Variants in ARK2N observed in about 807,000 individuals in gnomAD.
ARK2N encodes the protein arkadia (RNF111) N-terminal like PKA signaling regulator 2N, also known as protein ARK2N.
the ARK2N span, chr18:46,253,678 TCCTCCCC>T: frequency 8.1e-6 from 13 of 1,603,194 alleles, no homozygotes; most frequent in Admixed American, 1.4e-4. Context: ...TTGTTTTTTT[TCCTCCCC>T]TTCTCTCTCA....
At chr18:46,213,309 A>C in the ARK2N span, among the ~76,000 whole-genome samples, 1 of 152,126 alleles carries the variant, frequency 6.6e-6, no homozygotes, top group Middle Eastern at 3.4e-3. Context: ...CTTAAGAAGA[A>C]TCATTATTCC....
At chr18:46,182,628 C>T in the ARK2N span, among the ~76,000 whole-genome samples, 1 of 145,436 alleles carries the variant, frequency 6.9e-6, no homozygotes, top group Non-Finnish European at 1.5e-5. Flanking sequence ...TTAAATTATT[C>T]TTGATTTACA....
chr18:46,255,405 TTTTTC>T, the ARK2N span, among the ~76,000 whole-genome samples: 35 of 148,936 alleles, frequency 2.3e-4, no homozygotes, highest in Admixed American at 9.3e-4. Flanking sequence ...TTTCTTTTTC[TTTTTC>T]TTTTCTTTTC....
At chr18:46,227,001 G>T in the ARK2N span, among the ~76,000 whole-genome samples, 1 of 151,848 alleles carries the variant, frequency 6.6e-6, no homozygotes, top group South Asian at 2.1e-4. Context: ...AGAGATGGGG[G>T]TTTCACCATG....
the ARK2N span, among the ~76,000 whole-genome samples, chr18:46,244,245 C>T: frequency 6.6e-6 from 1 of 151,892 alleles, no homozygotes; most frequent in Non-Finnish European, 1.5e-5. Context: ...GTAGTTGGGG[C>T]AAGAAGAAGC....
chr18:46,201,622 C>A, the ARK2N span, among the ~76,000 whole-genome samples: 1 of 151,974 alleles, frequency 6.6e-6, no homozygotes, highest in East Asian at 1.9e-4. Context: ...TTTCTGAGTT[C>A]TGATCTCCCA....
At chr18:46,194,009 T>G in the ARK2N span, among the ~76,000 whole-genome samples, 1 of 152,140 alleles carries the variant, frequency 6.6e-6, no homozygotes, top group Non-Finnish European at 1.5e-5. Flanking sequence ...TCTTGTTTGT[T>G]TCTTTCTTTT....
chr18:46,208,479 T>G, the ARK2N span, among the ~76,000 whole-genome samples: 1 of 144,120 alleles, frequency 6.9e-6, no homozygotes, highest in African/African-American at 2.6e-5. Context: ...TTTTTTTTTT[T>G]TTTTTTTTTG....
the ARK2N span, among the ~76,000 whole-genome samples, chr18:46,179,625 C>CTTT: frequency 7.3e-6 from 1 of 136,846 alleles, no homozygotes; most frequent in African/African-American, 2.7e-5. Context: ...TTAAAGTTAT[C>CTTT]TTTTTTTTTT....
chr18:46,218,241 A>G, the ARK2N span: 3 of 152,202 alleles, frequency 2.0e-5, no homozygotes, highest in African/African-American at 7.2e-5. Context: ...CTTCTTTCTA[A>G]TTGAGTATCT....
At chr18:46,260,210 C>T in the ARK2N span, among the ~76,000 whole-genome samples, 2 of 152,038 alleles carry the variant, frequency 1.3e-5, no homozygotes, top group African/African-American at 2.4e-5. Flanking sequence ...CTGAAACTTG[C>T]CTTCTAGAAA....
At chr18:46,207,630 C>T in the ARK2N span, among the ~76,000 whole-genome samples, 2 of 152,126 alleles carry the variant, frequency 1.3e-5, no homozygotes, top group Non-Finnish European at 2.9e-5. Context: ...CTTCATGATC[C>T]ACCTGCCTTG....
chr18:46,205,260 G>A, the ARK2N span, among the ~76,000 whole-genome samples: 1 of 152,102 alleles, frequency 6.6e-6, no homozygotes, highest in Non-Finnish European at 1.5e-5. Context: ...GTTAAAGGAT[G>A]GTTAATGATG....
At chr18:46,231,012 G>C in the ARK2N span, among the ~76,000 whole-genome samples, 1 of 152,162 alleles carries the variant, frequency 6.6e-6, no homozygotes, top group African/African-American at 2.4e-5. Context: ...CAGCGGATTA[G>C]AGTGATCTGG....
At chr18:46,260,394 T>TAG in the ARK2N span, among the ~76,000 whole-genome samples, 1 of 152,188 alleles carries the variant, frequency 6.6e-6, no homozygotes, top group East Asian at 1.9e-4. Flanking sequence ...ATTCTCCAGA[T>TAG]AATCTAAAAT....
At chr18:46,208,595 G>A in the ARK2N span, among the ~76,000 whole-genome samples, 3 of 148,212 alleles carry the variant, frequency 2.0e-5, no homozygotes, top group Non-Finnish European at 3.0e-5. Context: ...TCAGCCCCCC[G>A]AGTAGCTGGG....
chr18:46,231,050 T>A, the ARK2N span, among the ~76,000 whole-genome samples: 4 of 152,218 alleles, frequency 2.6e-5, no homozygotes, highest in Non-Finnish European at 5.9e-5. Flanking sequence ...TAGACAATAA[T>A]AACTCTCTTA....
At chr18:46,256,146 C>G in the ARK2N span, among the ~76,000 whole-genome samples, 5 of 152,156 alleles carry the variant, frequency 3.3e-5, no homozygotes, top group Non-Finnish European at 7.4e-5. Flanking sequence ...TATTCATTCA[C>G]CAACTTCCTT....
chr18:46,200,097 C>T, the ARK2N span, among the ~76,000 whole-genome samples: 1 of 149,226 alleles, frequency 6.7e-6, no homozygotes, highest in Non-Finnish European at 1.5e-5. Context: ...TGTGTGCGCG[C>T]GCGTGCTGGG....
Sources: allele counts gnomAD v4.1 joint callset (sites outside exome capture counted in the v4.1 genomes callset), GRCh38; gene constraint gnomAD v4.1.1; transcripts MANE v1.5; gene names NCBI Gene and HGNC (gene_info 2026-07-23, HGNC 2026-07-21).